TFCP2L1: variants seen among roughly 807,000 people sequenced by gnomAD.
The protein encoded by TFCP2L1 is transcription factor CP2-like protein 1.
TFCP2L1 carries 12 observed loss-of-function variants against 72.2 expected under a neutral mutation model. The ratio of observed to expected loss-of-function variants is 0.17; its 90% confidence interval spans 0.11 to 0.27. The LOEUF (loss-of-function observed/expected upper bound fraction) is 0.27, where lower values mean the gene tolerates loss of function less well. Among genes scored for constraint, TFCP2L1 ranks in the 10% least tolerant of loss-of-function variants. TFCP2L1 has a pLI of 1.00. For missense variants in TFCP2L1, 488 were observed against 624.6 expected (o/e 0.78, Z 2.33); for synonymous variants, 260 against 251.0 (o/e 1.04, Z -0.34).
At chr2:121,242,749 G>A (rs1686404721) in intron 6 of TFCP2L1, among the ~76,000 whole-genome samples, 1 of 152,210 alleles carries the variant, frequency 6.6e-6, no homozygotes, top group Non-Finnish European at 1.5e-5. Context: ...AGGAATCCCA[G>A]TGCATTCCTT....
At chr2:121,258,313 G>A (rs1686766793) in intron 2 of TFCP2L1, among the ~76,000 whole-genome samples, 1 of 152,150 alleles carries the variant, frequency 6.6e-6, no homozygotes, top group Non-Finnish European at 1.5e-5. Flanking sequence ...ATATTAATAA[G>A]CGCCCAGCCA....
intron 1 of TFCP2L1, among the ~76,000 whole-genome samples, chr2:121,283,518 C>T (rs1448246540): frequency 6.6e-6 from 1 of 152,176 alleles, no homozygotes; most frequent in East Asian, 1.9e-4. Context: ...GCACCACCCA[C>T]TCCCAACGCT....
chr2:121,232,865 G>A lies in TFCP2L1; in HGVS notation c.1199-897C>T, dbSNP rs960130411. 8.5e-5 allele frequency among the ~76,000 whole-genome samples: 13 copies of A among 152,178 alleles called. No individual in the cohort carries two copies. In the East Asian group the frequency reaches 1.7e-3, roughly 20 times the overall value. ...GAGACGGCCTGCACCAGCCAGGCAG[G>A]AGCAAATGCCACCGGCAACCCAGGG... On this transcript the variant is annotated intron_variant, in intron 12 of 14. Coordinates refer to ENST00000263707, the MANE Select transcript of TFCP2L1 (RefSeq NM_014553.3).
intron 3 of TFCP2L1, among the ~76,000 whole-genome samples, chr2:121,249,357 GA>G (rs1380467677): frequency 3.9e-5 from 6 of 152,192 alleles, no homozygotes; most frequent in Non-Finnish European, 7.3e-5. Flanking sequence ...CTGCAGCTCA[GA>G]AAAGTTCAAC....
rs1346613700 is a variant in TFCP2L1, at chr2:121,248,334, G to A, written c.398-64C>T. ...AGCCTCTCCCAAATATTTAGGGAAA[G>A]ACCCCTGTTACAGGTCCCAATTCCT... On this transcript the variant is annotated intron_variant, in intron 4 of 14. Coordinates refer to ENST00000263707, the MANE Select transcript of TFCP2L1 (RefSeq NM_014553.3). 3 of 1,369,610 alleles carry A rather than the reference G, an allele frequency of 2.2e-6. No homozygotes were observed. The African/African-American group carries it at 4.3e-5, about 20-fold the overall frequency. The allele number at this position is 1,369,610 out of a possible 1,614,324, so 84.8% of individuals were successfully genotyped here.
chr2:121,244,251 A>G (rs537568825), intron 6 of TFCP2L1, among the ~76,000 whole-genome samples: 1 of 152,310 alleles, frequency 6.6e-6, no homozygotes, highest in Admixed American at 6.5e-5. Flanking sequence ...CTCAGACAGG[A>G]GCCCTGCCTT....
At chr2:121,234,316 C>T (rs1686201479) in intron 11 of TFCP2L1, 122 bp from the exon 12 acceptor site, 7 of 884,120 alleles carry the variant, frequency 7.9e-6, no homozygotes, top group Admixed American at 2.1e-5. Context: ...GCGGTGGTGA[C>T]GTGGAGTGCC....
In TFCP2L1 at chr2:121,225,289, C is replaced by T. The variant is rs529381350; in HGVS notation, c.1393+273G>A. ...GGCTGTATTCCAGGCTTGATCTTCC[C>T]GGAGGACCCCAGGAAACCCACAATG... On this transcript the variant is annotated intron_variant, in intron 14 of 14. Transcript: ENST00000263707. Among the ~76,000 whole-genome samples, 9 of 152,258 alleles carry T rather than the reference C, an allele frequency of 5.9e-5. No individual in the cohort carries two copies. The South Asian group carries it at 1.7e-3, about 28-fold the overall frequency.
chr2:121,257,699 T>G (rs1032375997), intron 2 of TFCP2L1, among the ~76,000 whole-genome samples: 1 of 152,180 alleles, frequency 6.6e-6, no homozygotes, highest in African/African-American at 2.4e-5. Flanking sequence ...CCCACACTAT[T>G]CAACTCTGCC....
chr2:121,223,035 A>C lies in TFCP2L1; in HGVS notation c.*1306T>G, dbSNP rs1353596361. On this transcript the variant is annotated 3_prime_UTR_variant, in exon 15 of 15. Coordinates refer to ENST00000263707, the MANE Select transcript of TFCP2L1 (RefSeq NM_014553.3). ...CTGAGCCTTGGTTTCCTCATCTATA[A>C]AACAAGTTCTCCCCATTGTAGACCC... The C allele has an allele frequency of 6.6e-6, 1 of 152,124 alleles. No homozygotes were observed. The highest frequency in any genetic ancestry group is 1.5e-5 in the Non-Finnish European group (1 of 68,026). The allele number at this position is 152,124 out of a possible 1,614,324, so 9.4% of individuals were successfully genotyped here.
At chr2:121,241,689 C>A (rs1210114643) in intron 7 of TFCP2L1, among the ~76,000 whole-genome samples, 3 of 152,098 alleles carry the variant, frequency 2.0e-5, no homozygotes. Flanking sequence ...CCAATTGCTT[C>A]CCATGTGCAG....
chr2:121,250,662 A>G (rs1459553919), intron 2 of TFCP2L1, among the ~76,000 whole-genome samples: 1 of 147,546 alleles, frequency 6.8e-6, no homozygotes, highest in Non-Finnish European at 1.5e-5. Flanking sequence ...GCTGGAGTGC[A>G]GTGGCACGAT....
At chr2:121,280,639 T>C (rs1687236719) in intron 2 of TFCP2L1, among the ~76,000 whole-genome samples, 1 of 151,748 alleles carries the variant, frequency 6.6e-6, no homozygotes, top group South Asian at 2.1e-4. Context: ...TCTACACCTG[T>C]GATCCCAGCT....
At chr2:121,281,377 A>G in intron 1 of TFCP2L1, 106 bp from the exon 2 acceptor site, 1 of 1,312,666 alleles carries the variant, frequency 7.6e-7, no homozygotes. Flanking sequence ...GCCCAGGGTG[A>G]CACGGCACGC....
chr2:121,230,778 A>ACCCACAACAACAACAACAT (rs1305085160), intron 13 of TFCP2L1, among the ~76,000 whole-genome samples: 3 of 151,460 alleles, frequency 2.0e-5, no homozygotes, highest in African/African-American at 7.3e-5. Context: ...AACAACAACA[A>ACCCACAACAACAACAACAT]CCAACAACAA....
intron 8 of TFCP2L1, 25 bp from the exon 9 acceptor site, chr2:121,237,875 G>A (rs1558730678): frequency 1.4e-5 from 23 of 1,613,258 alleles, no homozygotes; most frequent in Non-Finnish European, 1.9e-5. Flanking sequence ...AACCAGTGAT[G>A]AGGACAGAGG....
At chr2:121,227,662 C>A (rs1218149909) in intron 13 of TFCP2L1, among the ~76,000 whole-genome samples, 1 of 151,160 alleles carries the variant, frequency 6.6e-6, no homozygotes, top group East Asian at 1.9e-4. Flanking sequence ...GCCTGGGTGA[C>A]AGAGTGAGAC....
At chr2:121,245,489 G>C (rs531834499) in intron 6 of TFCP2L1, among the ~76,000 whole-genome samples, 4 of 152,292 alleles carry the variant, frequency 2.6e-5, no homozygotes, top group Admixed American at 1.3e-4. Context: ...TGCTCTGCCA[G>C]GAAAGACAAA....
intron 2 of TFCP2L1, among the ~76,000 whole-genome samples, chr2:121,259,955 G>A (rs994061995): frequency 3.3e-5 from 5 of 152,178 alleles, no homozygotes; most frequent in African/African-American, 1.2e-4. Context: ...ACAATACAGC[G>A]ATTGGTATTT....
Sources: gnomAD v4.1 joint callset for allele counts (sites outside exome capture counted in the v4.1 genomes callset) on GRCh38, gnomAD v4.1.1 for gene constraint, MANE v1.5 for transcripts, NCBI Gene and HGNC (gene_info 2026-07-23, HGNC 2026-07-21) for gene names.